TESPA1: variants seen among roughly 807,000 people sequenced by gnomAD.
The protein encoded by TESPA1 is protein TESPA1.
TESPA1 carries 33 observed loss-of-function variants against 57.9 expected under a neutral mutation model. The observed-to-expected ratio is 0.57, with a 90% CI of 0.43 to 0.76. The LOEUF is 0.76. Among genes scored for constraint, TESPA1 ranks in the 30% least tolerant of loss-of-function variants. The probability of loss-of-function intolerance (pLI) is 0.00; values close to 1 mark genes in which losing one functional copy is unlikely to be tolerated. For missense variants in TESPA1, 618 were observed against 632.9 expected (o/e 0.98, Z 0.25); for synonymous variants, 227 against 228.9 (o/e 0.99, Z 0.07).
intron 10 of TESPA1, among the ~76,000 whole-genome samples, chr12:54,957,545 T>C (rs947177119): frequency 7.9e-5 from 12 of 152,194 alleles, no homozygotes; most frequent in African/African-American, 2.9e-4. Flanking sequence ...TCTTGAGATT[T>C]CTTAAAGGGT....
chr12:54,966,279 T>A lies in TESPA1; in HGVS notation c.347+109A>T, dbSNP rs117151030. The A allele has an allele frequency of 9.8e-5, 155 of 1,587,082 alleles. 1 individual carries two copies. In the East Asian group the frequency reaches 3.3e-3, roughly 33 times the overall value. ...TGCAGTGCTTGTTCGTTGGAAAGTCTCACTCTCTAATGTGAATCTTTAGCT... is the reference window on the plus strand; with the variant it reads ...TGCAGTGCTTGTTCGTTGGAAAGTCACACTCTCTAATGTGAATCTTTAGCT... On this transcript the variant is annotated intron_variant, in intron 6 of 10. Coordinates refer to ENST00000449076, the MANE Select transcript of TESPA1 (RefSeq NM_001136030.3).
chr12:54,974,717 T>C lies in TESPA1; in HGVS notation c.-45-110A>G. 4 of 700,542 alleles carry C rather than the reference T, an allele frequency of 5.7e-6. No individual in the cohort carries two copies. The South Asian group carries it at 1.5e-4, about 26-fold the overall frequency. 43.4% of individuals were successfully genotyped at this position (700,542 alleles called of 1,614,324 possible). A position where few individuals can be genotyped will look rare whatever the true frequency, so the allele number is the denominator to read the frequency against. On this transcript the variant is annotated intron_variant, in intron 1 of 10. Coordinates refer to ENST00000449076, the MANE Select transcript of TESPA1 (RefSeq NM_001136030.3). Reference sequence around the variant, plus strand: ...TGTCTGCCCAAAGGAGCTTGGTCTCTCTGACCATTCAAAAGCAGGGAGGAC... The same window carrying C: ...TGTCTGCCCAAAGGAGCTTGGTCTCCCTGACCATTCAAAAGCAGGGAGGAC...
intron 10 of TESPA1, among the ~76,000 whole-genome samples, chr12:54,959,688 TGAG>T (rs1031950111): frequency 6.6e-6 from 1 of 152,216 alleles, no homozygotes. Context: ...TTCTCTAATT[TGAG>T]GAGAAGTGGT....
At chr12:54,965,952 CAGT>C in intron 7 of TESPA1, 98 bp downstream of exon 7, 2 of 1,120,560 alleles carry the variant, frequency 1.8e-6, no homozygotes, top group Non-Finnish European at 2.6e-6. Context: ...ATAAAAGCTC[CAGT>C]AAGATATCCC....
In TESPA1 at chr12:54,963,818, C is replaced by T. The variant is rs377572030; in HGVS notation, c.579G>A (p.Lys193=). The T allele has an allele frequency of 9.5e-5, 154 of 1,613,956 alleles. No homozygotes were observed. The highest frequency in any genetic ancestry group is 3.3e-4 in the African/African-American group (25 of 75,044). Residue 193 remains lysine (K), a synonymous_variant, in exon 8 of 11, where the codon AAG becomes AAA. Coordinates refer to ENST00000449076, the MANE Select transcript of TESPA1 (RefSeq NM_001136030.3). ...TCAGGAAGAGCTGGAAATCAATGCC[C>T]TTGGCCTGAGAGGGGGTGGTGAAAA... is the stretch of plus-strand genomic sequence containing the variant. ...ARFFTTPSQA[K]GIDFQLFLKS...
upstream of TESPA1, chr12:54,984,860 A>G (rs2136226485): frequency 6.6e-6 from 1 of 152,422 alleles, no homozygotes; most frequent in South Asian, 2.1e-4. Context: ...TGAGCGAAGG[A>G]CAAACCATCC....
At chr12:54,967,079 G>T (rs1951487578) in intron 5 of TESPA1, 104 bp downstream of exon 5, 2 of 1,293,592 alleles carry the variant, frequency 1.5e-6, no homozygotes, top group African/African-American at 1.5e-5. Flanking sequence ...AGACCCCAGG[G>T]ATGGGCTGTT....
chr12:54,961,610 G>C (rs1951082625), intron 9 of TESPA1, among the ~76,000 whole-genome samples: 2 of 152,164 alleles, frequency 1.3e-5, no homozygotes, highest in African/African-American at 4.8e-5. Context: ...AGAGTTGGTG[G>C]ACTTAGAGAA....
Position 54,962,546 on chromosome 12 carries a change from T to C in TESPA1, c.1352A>G (p.Lys451Arg). The C allele has an allele frequency of 6.2e-7, 1 of 1,613,888 alleles. No homozygotes were observed. Residue 451 changes from lysine (K) to arginine (R), a missense_variant, in exon 9 of 11, where the codon AAG (lysine) becomes AGG (arginine). This residue lies in a region of TESPA1 where 409 missense variants were observed against 420.1 expected (regional missense o/e 0.97). Transcript: ENST00000449076. ...GATGGACAGGTCCAAGGACTTAACC[T>C]TCCTGCCCATGAGATTCTTCTGGAA... ...SLFQKNLMGR[K>R]VKSLDLSITQ...
chr12:54,951,849 G>GT (rs199792981), intron 10 of TESPA1, among the ~76,000 whole-genome samples: 5,325 of 139,798 alleles, frequency 0.038, 225 homozygotes, highest in African/African-American at 0.11. Context: ...TTTCTAAGTT[G>GT]TTTTTTTTTT....
At chr12:54,958,452 G>A (rs1950867651) in intron 10 of TESPA1, among the ~76,000 whole-genome samples, 1 of 151,608 alleles carries the variant, frequency 6.6e-6, no homozygotes, top group African/African-American at 2.4e-5. Context: ...GTGATTTTCT[G>A]TAGTTTAAAA....
At chr12:54,970,378 T>C (rs1951754768) in intron 3 of TESPA1, among the ~76,000 whole-genome samples, 1 of 152,270 alleles carries the variant, frequency 6.6e-6, no homozygotes, top group Non-Finnish European at 1.5e-5. Flanking sequence ...ATAAAATTTC[T>C]GGTTTGTCCA....
Position 54,949,486 on chromosome 12 carries a change from T to C in TESPA1, c.*906A>G, listed in dbSNP as rs573446943. 6.6e-6 allele frequency: 1 copy of C among 152,192 alleles called. No individual in the cohort carries two copies. The highest frequency in any genetic ancestry group is 1.9e-4 in the East Asian group (1 of 5,178). 9.4% of individuals were successfully genotyped at this position (152,192 alleles called of 1,614,324 possible). On this transcript the variant is annotated 3_prime_UTR_variant, in exon 11 of 11. Transcript: ENST00000449076. Reference sequence around the variant, plus strand: ...TCCCATTCTATTAATATTAATATTTTCTCAGGGGAGAAATGTGTCCAAGAT... The same window carrying C: ...TCCCATTCTATTAATATTAATATTTCCTCAGGGGAGAAATGTGTCCAAGAT...
At chr12:54,972,066 G>C (rs542912466) in intron 3 of TESPA1, among the ~76,000 whole-genome samples, 14 of 152,292 alleles carry the variant, frequency 9.2e-5, no homozygotes, top group African/African-American at 3.1e-4. Context: ...GGCGTCTACA[G>C]TGAACAGAAT....
rs375275965 is a variant in TESPA1 at position 54,963,142 on chromosome 12, G to C, written c.756C>G (p.Ser252=). 213 of 1,613,792 alleles carry C rather than the reference G, an allele frequency of 1.3e-4. No homozygotes were observed. Among genetic ancestry groups the C allele is most frequent in the Non-Finnish European group, 1.7e-4 (198 of 1,179,890 alleles). ...GATGGTTGCAATTCCAGAACATGTGGGATGGTGTGAACTTTTGGACAGGTG... is the reference window on the plus strand; with the variant it reads ...GATGGTTGCAATTCCAGAACATGTGCGATGGTGTGAACTTTTGGACAGGTG... The part of the protein sequence containing the change: ...SKTPVQKFTP[S]HMFWNCNHPT... The change falls in exon 9 of 11, where the codon TCC becomes TCG. Residue 252 remains serine, a synonymous_variant. Transcript: ENST00000449076.
intron 1 of TESPA1, among the ~76,000 whole-genome samples, chr12:54,976,630 T>G (rs1952148783): frequency 6.6e-6 from 1 of 152,154 alleles, no homozygotes; most frequent in African/African-American, 2.4e-5. Context: ...CTTGGAAAAT[T>G]TCATCCTTTT....
chr12:54,962,343 T>C (rs1951129236), intron 9 of TESPA1, 88 bp downstream of exon 9: 1 of 1,429,528 alleles, frequency 7.0e-7, no homozygotes, highest in Non-Finnish European at 9.4e-7. Flanking sequence ...TGGATTATTT[T>C]TCCCCCAAGG....
Position 54,963,132 on chromosome 12 carries a change from A to G in TESPA1, c.766T>C (p.Trp256Arg). The G allele has an allele frequency of 1.9e-6, 3 of 1,613,954 alleles. No individual in the cohort carries two copies. The highest frequency in any genetic ancestry group is 2.5e-6 in the Non-Finnish European group (3 of 1,179,888). ...VQKFTPSHMF[W>R]NCNHPTDVPS... ...ACATCAGTTGGATGGTTGCAATTCC[A>G]GAACATGTGGGATGGTGTGAACTTT... The change falls in exon 9 of 11, where the codon TGG becomes CGG. Residue 256 changes from tryptophan to arginine, a missense_variant. Trp to Arg is a moderately radical substitution (Grantham distance 101, BLOSUM62 -3). Around this residue, in one of 3 missense-constraint regions of TESPA1, gnomAD observed 409 missense variants for 420.1 expected, o/e 0.97. Coordinates refer to ENST00000449076, the MANE Select transcript of TESPA1 (RefSeq NM_001136030.3).
chr12:54,975,716 T>G, intron 1 of TESPA1, among the ~76,000 whole-genome samples: 1 of 151,824 alleles, frequency 6.6e-6, no homozygotes, highest in South Asian at 2.1e-4. Context: ...TAAAATAAAA[T>G]AAGAAGACTA....
Sources: gnomAD v4.1 joint callset for allele counts (sites outside exome capture counted in the v4.1 genomes callset) on GRCh38, gnomAD v4.1.1 for gene constraint, gnomAD v4.1.1 regional missense constraint, MANE v1.5 for transcripts, NCBI Gene and HGNC (gene_info 2026-07-23, HGNC 2026-07-21) for gene names.